Variants in BEND5 observed in about 807,000 individuals in gnomAD.
The protein encoded by BEND5 is BEN domain-containing protein 5.
A neutral mutation model predicts 43.9 loss-of-function variants in BEND5; 22 were observed. The ratio of observed to expected loss-of-function variants is 0.50; its 90% CI spans 0.36 to 0.72. The LOEUF (loss-of-function observed/expected upper bound fraction) is 0.72. BEND5 is among the 30% of genes least tolerant of loss of function. BEND5 has a pLI of 0.00. For missense variants in BEND5, 428 were observed against 550.6 expected (o/e 0.78, Z 2.23); for synonymous variants, 228 against 225.9 (o/e 1.01, Z -0.08).
intron 2 of BEND5, among the ~76,000 whole-genome samples, chr1:48,760,293 G>T (rs1227001737): frequency 1.3e-5 from 2 of 152,218 alleles, no homozygotes; most frequent in African/African-American, 4.8e-5. Context: ...CTCAGGGCAG[G>T]AGGGTTAGGA....
chr1:48,732,838 C>T (rs924617087), intron 5 of BEND5, among the ~76,000 whole-genome samples: 3 of 152,016 alleles, frequency 2.0e-5, no homozygotes, highest in South Asian at 2.1e-4. Context: ...GTAGGATCAG[C>T]GAGAAGATGG....
intron 5 of BEND5, among the ~76,000 whole-genome samples, chr1:48,734,623 G>A (rs1648723069): frequency 6.6e-6 from 1 of 152,172 alleles, no homozygotes; most frequent in African/African-American, 2.4e-5. Context: ...CCCGGAGCAT[G>A]CCAGCCTTCA....
intron 5 of BEND5, among the ~76,000 whole-genome samples, chr1:48,733,770 T>G (rs1426164499): frequency 6.6e-6 from 1 of 152,146 alleles, no homozygotes. Flanking sequence ...TTACAAGAAA[T>G]CACACAAAAT....
At chr1:48,741,291 T>C (rs1326862531) in intron 4 of BEND5, among the ~76,000 whole-genome samples, 1 of 152,196 alleles carries the variant, frequency 6.6e-6, no homozygotes, top group African/African-American at 2.4e-5. Flanking sequence ...TTGGAGAGCA[T>C]CAATCCAATC....
At chr1:48,776,479 A>C in intron 1 of BEND5, 127 bp downstream of exon 1, 1 of 692,330 alleles carries the variant, frequency 1.4e-6, no homozygotes, top group Non-Finnish European at 2.2e-6. Flanking sequence ...TGCCCAGAGG[A>C]CGGGAGAAGG....
Position 48,758,982 on chromosome 1 carries a change from G to C in BEND5, c.663C>G (p.Tyr221Ter). 2 of 1,613,222 alleles carry C rather than the reference G, an allele frequency of 1.2e-6. No individual in the cohort carries two copies. The highest frequency in any genetic ancestry group is 8.5e-7 in the Non-Finnish European group (1 of 1,179,700). Residue 221 changes from tyrosine to a stop codon, truncating the protein, a stop_gained, in exon 3 of 6, where the codon TAC (tyrosine) becomes TAG (stop). Coordinates refer to ENST00000371833, the MANE Select transcript of BEND5 (RefSeq NM_024603.4). LOFTEE classifies it high-confidence loss of function. ...LVQQAKKLKEYGALVSEMKEL... is the reference protein window; with the variant it reads ...LVQQAKKLKE ...CCTTCATTTCAGACACAAGTGCCCC[G>C]TACTCCTTGAGCTTCTTGGCCTGTT... is the stretch of plus-strand genomic sequence containing the variant.
chr1:48,770,674 G>A (rs1644772933), intron 1 of BEND5, among the ~76,000 whole-genome samples: 1 of 152,110 alleles, frequency 6.6e-6, no homozygotes, highest in Non-Finnish European at 1.5e-5. Flanking sequence ...GGGCCCTTAA[G>A]ATTCGACAGG....
chr1:48,772,253 G>C (rs1020004203), intron 1 of BEND5, among the ~76,000 whole-genome samples: 4 of 152,254 alleles, frequency 2.6e-5, no homozygotes, highest in African/African-American at 9.6e-5. Context: ...TGAAAAGAGA[G>C]TTCTGAGGAG....
rs372359785 is a variant in BEND5 at position 48,736,438 on chromosome 1, G to A, written c.909C>T (p.Ser303=). The A allele has an allele frequency of 6.6e-5, 107 of 1,613,902 alleles. No individual in the cohort carries two copies. The highest frequency in any genetic ancestry group is 1.3e-4 in the East Asian group (6 of 44,890). ...ATTTCTCCTCATCAACCCAAATCCC[G>A]CTTCCCAGATGGACCTGAGAGGAAT... ...ILDNGKVHLG[S]GIWVDEEKWH... is the part of the protein sequence containing the mutation. Residue 303 remains serine, a synonymous_variant, in exon 5 of 6, where the codon AGC becomes AGT. Coordinates refer to ENST00000371833, the MANE Select transcript of BEND5 (RefSeq NM_024603.4). The surrounding 1 kb of genome is among the most constrained non-coding windows in gnomAD (Gnocchi z 4.0).
chr1:48,770,978 C>A (rs1011691210), intron 1 of BEND5, among the ~76,000 whole-genome samples: 10 of 152,204 alleles, frequency 6.6e-5, no homozygotes, highest in African/African-American at 2.4e-4. Context: ...CACTAAACAA[C>A]TGTTTGAATG....
At chr1:48,728,926 A>T (rs1055394175) in intron 5 of BEND5, among the ~76,000 whole-genome samples, 1 of 152,182 alleles carries the variant, frequency 6.6e-6, no homozygotes, top group South Asian at 2.1e-4. Flanking sequence ...GTGATTACTA[A>T]TGAGGCTCAG....
intron 5 of BEND5, among the ~76,000 whole-genome samples, chr1:48,733,021 C>T (rs776804114): frequency 6.6e-6 from 1 of 152,122 alleles, no homozygotes; most frequent in African/African-American, 2.4e-5. Flanking sequence ...CACTGGGGAC[C>T]TTGGTGAAAA....
intron 3 of BEND5, among the ~76,000 whole-genome samples, chr1:48,751,079 T>C (rs1388760898): frequency 1.3e-5 from 2 of 152,188 alleles, no homozygotes; most frequent in Non-Finnish European, 2.9e-5. Flanking sequence ...CATAGATATG[T>C]CTTTTCCCCT....
At chr1:48,752,543 G>C (rs1412852186) in intron 3 of BEND5, among the ~76,000 whole-genome samples, 2 of 152,164 alleles carry the variant, frequency 1.3e-5, no homozygotes, top group Non-Finnish European at 2.9e-5. Context: ...GAAATCTCTA[G>C]GTGTCATCCA....
At chr1:48,740,062 C>CT (rs1315327846) in intron 4 of BEND5, among the ~76,000 whole-genome samples, 2 of 152,196 alleles carry the variant, frequency 1.3e-5, no homozygotes, top group African/African-American at 4.8e-5. Flanking sequence ...TATTTAATGT[C>CT]TTTATGGAAC....
In BEND5 at chr1:48,767,491, G is replaced by A. The variant is rs75099610; in HGVS notation, c.227-6021C>T. ...CAGTGGCAAGCAAGACGGATAAGAC[G>A]TGAGGAGGAGACAGAACACAGGGTG... On this transcript the variant is annotated intron_variant, in intron 1 of 5. Transcript: ENST00000371833. 2.9e-3 allele frequency among the ~76,000 whole-genome samples: 444 copies of A among 152,342 alleles called. 1 individual carries two copies. Among genetic ancestry groups the A allele is most frequent in the Admixed American group, 5.1e-3 (78 of 15,298 alleles).
chr1:48,731,833 C>G (rs1648187247), intron 5 of BEND5, among the ~76,000 whole-genome samples: 1 of 152,132 alleles, frequency 6.6e-6, no homozygotes, highest in East Asian at 1.9e-4. Flanking sequence ...TGTTTAGAAG[C>G]TTACCCTTCA....
intron 1 of BEND5, among the ~76,000 whole-genome samples, chr1:48,769,559 ACACACACACAC>A (rs1361148305): frequency 3.4e-5 from 5 of 147,450 alleles, no homozygotes; most frequent in East Asian, 4.1e-4. Flanking sequence ...ACACACACAC[ACACACACACAC>A]AAGTTAAATT....
At chr1:48,758,271 A>G (rs561836940) in intron 3 of BEND5, among the ~76,000 whole-genome samples, 8 of 152,304 alleles carry the variant, frequency 5.3e-5, no homozygotes, top group Middle Eastern at 3.4e-3. Context: ...TAAAGTTTTC[A>G]AGTCCTTCCA....
Sources: allele counts gnomAD v4.1 joint callset (sites outside exome capture counted in the v4.1 genomes callset), GRCh38; gene constraint gnomAD v4.1.1; non-coding constraint Gnocchi (gnomAD v3.1); transcripts MANE v1.5; gene names NCBI Gene and HGNC (gene_info 2026-07-23, HGNC 2026-07-21).